Variants in PRKG1 observed in about 807,000 individuals in gnomAD.
PRKG1 encodes the protein cGMP-dependent protein kinase 1.
A neutral mutation model predicts 88.1 loss-of-function variants in PRKG1; 35 were observed. The observed-to-expected ratio is 0.40, with a 90% CI of 0.30 to 0.53. The LOEUF (loss-of-function observed/expected upper bound fraction) is 0.53. PRKG1 is among the 20% of genes least tolerant of loss of function. PRKG1 has a pLI of 0.59. For missense variants in PRKG1, 540 were observed against 839.8 expected (o/e 0.64, Z 4.41); for synonymous variants, 303 against 292.5 (o/e 1.04, Z -0.37).
intron 1 of PRKG1, among the ~76,000 whole-genome samples, chr10:51,042,050 G>C (rs1468911148): frequency 1.3e-5 from 2 of 152,110 alleles, no homozygotes; most frequent in Non-Finnish European, 2.9e-5. Flanking sequence ...AGGAGGTAGA[G>C]GTTTTCTTCT....
intron 10 of PRKG1, among the ~76,000 whole-genome samples, chr10:52,269,075 AAT>A (rs1003223369): frequency 4.6e-5 from 7 of 152,002 alleles, no homozygotes; most frequent in African/African-American, 1.7e-4. Context: ...AAAAAAAAAA[AAT>A]CTGTGTATCT....
At position 52,047,871 on chromosome 10, in the gene PRKG1, T is replaced by A. The variant is rs1301231423; in HGVS notation, c.763-6613T>A. On this transcript the variant is annotated intron_variant, in intron 5 of 17. Transcript: ENST00000373980. ...TATAGGACTCTTCTTCTGAGATATA[T>A]CTTCTGAAAGAATAAGGTACAAACC... Among the ~76,000 whole-genome samples, 3 of 152,256 alleles carry A rather than the reference T, an allele frequency of 2.0e-5. No homozygotes were observed. In the East Asian group the frequency reaches 5.8e-4, roughly 29 times the overall value.
intron 3 of PRKG1, among the ~76,000 whole-genome samples, chr10:51,726,469 C>T (rs574469321): frequency 6.6e-6 from 1 of 152,152 alleles, no homozygotes; most frequent in Non-Finnish European, 1.5e-5. Context: ...ATTTCTTAAA[C>T]TCTCAGCTAT....
At chr10:52,147,551 T>G (rs2132660902) in intron 8 of PRKG1, among the ~76,000 whole-genome samples, 1 of 152,314 alleles carries the variant, frequency 6.6e-6, no homozygotes, top group Admixed American at 6.5e-5. Context: ...GCTCTGCCAA[T>G]TATACCAACT....
chr10:51,474,967 A>G (rs1028433137), intron 3 of PRKG1, among the ~76,000 whole-genome samples: 1 of 152,004 alleles, frequency 6.6e-6, no homozygotes, highest in African/African-American at 2.4e-5. Context: ...CATCCCATGC[A>G]TTATGTAATG....
chr10:51,503,069 C>A (rs1201742839), intron 3 of PRKG1, among the ~76,000 whole-genome samples: 1 of 152,074 alleles, frequency 6.6e-6, no homozygotes, highest in African/African-American at 2.4e-5. Flanking sequence ...AACAAATCAT[C>A]ATGTAGGTCA....
At chr10:52,242,914 GGAGAAA>G (rs67858446) in intron 9 of PRKG1, among the ~76,000 whole-genome samples, 69,819 of 150,410 alleles carry the variant, frequency 0.46, 18,394 homozygotes, top group Non-Finnish European at 0.61. Context: ...AGAAGGAGAA[GGAGAAA>G]GAGAAGAAGA....
At chr10:51,628,488 G>A (rs184783516) in intron 3 of PRKG1, among the ~76,000 whole-genome samples, 133 of 152,134 alleles carry the variant, frequency 8.7e-4, no homozygotes, top group African/African-American at 2.9e-3. Context: ...TGGTAAATTA[G>A]TACACGTGTT....
intron 3 of PRKG1, among the ~76,000 whole-genome samples, chr10:51,649,818 C>T (rs1589160517): frequency 1.3e-5 from 2 of 152,200 alleles, no homozygotes; most frequent in African/African-American, 4.8e-5. Flanking sequence ...ATGCTCACCT[C>T]ATGTAACTGA....
intron 14 of PRKG1, among the ~76,000 whole-genome samples, chr10:52,283,973 C>T (rs972710586): frequency 6.6e-6 from 1 of 151,886 alleles, no homozygotes; most frequent in African/African-American, 2.4e-5. Context: ...AATGTTTAGA[C>T]ATTTCTCTAC....
At chr10:51,486,706 G>A (rs1234862175) in intron 3 of PRKG1, among the ~76,000 whole-genome samples, 1 of 152,084 alleles carries the variant, frequency 6.6e-6, no homozygotes, top group Non-Finnish European at 1.5e-5. Context: ...CGACTGCTGA[G>A]TAAGAAAATA....
At chr10:52,038,618 G>A (rs1456649222) in intron 5 of PRKG1, among the ~76,000 whole-genome samples, 2 of 152,048 alleles carry the variant, frequency 1.3e-5, no homozygotes, top group East Asian at 3.9e-4. Flanking sequence ...GTAGAGACAA[G>A]GAGAGAAGGG....
intron 3 of PRKG1, among the ~76,000 whole-genome samples, chr10:51,738,630 A>T (rs1045161159): frequency 6.6e-6 from 1 of 152,118 alleles, no homozygotes; most frequent in Non-Finnish European, 1.5e-5. Flanking sequence ...ATTAGTCTAT[A>T]TTCTGGTGAG....
At chr10:51,505,726 C>A (rs1454915699) in intron 3 of PRKG1, among the ~76,000 whole-genome samples, 1 of 152,090 alleles carries the variant, frequency 6.6e-6, no homozygotes, top group Non-Finnish European at 1.5e-5. Flanking sequence ...AGGAATTTAT[C>A]CATTTCTTCT....
At chr10:51,283,851 C>T (rs1840365266) in intron 2 of PRKG1, among the ~76,000 whole-genome samples, 2 of 152,186 alleles carry the variant, frequency 1.3e-5, no homozygotes, top group African/African-American at 4.8e-5. Flanking sequence ...GAGACCCCAA[C>T]TCCAGGCTAA....
intron 5 of PRKG1, among the ~76,000 whole-genome samples, chr10:51,970,831 G>GATATATATATATATATATATATATGTGAT (rs59493582): frequency 7.3e-6 from 1 of 136,612 alleles, no homozygotes; most frequent in South Asian, 2.3e-4. Context: ...ATATATATGT[G>GATATATATATATATATATATATATGTGAT]ATATATATAT....
chr10:51,575,083 G>A (rs914716286), intron 3 of PRKG1, among the ~76,000 whole-genome samples: 3 of 151,874 alleles, frequency 2.0e-5, no homozygotes, highest in Admixed American at 2.0e-4. Flanking sequence ...TGCCATTCAC[G>A]GCTACAAGTG....
intron 2 of PRKG1, among the ~76,000 whole-genome samples, chr10:51,395,005 G>C (rs1018896785): frequency 6.6e-6 from 1 of 151,996 alleles, no homozygotes; most frequent in African/African-American, 2.4e-5. Context: ...GTCAATATTA[G>C]TATGACACAT....
At position 51,814,944 on chromosome 10, in the gene PRKG1, TCTTCCA is replaced by T. The variant is rs553829743; in HGVS notation, c.698+10258_698+10263del. Among the ~76,000 whole-genome samples, 10 of 152,286 alleles carry T rather than the reference TCTTCCA, an allele frequency of 6.6e-5. No homozygotes were observed. The South Asian group carries it at 2.1e-3, about 32-fold the overall frequency. On this transcript the variant is annotated intron_variant, in intron 4 of 17. Transcript: ENST00000373980. ...ATAGTTGATTATATTTGTGGTAAAA[TCTTCCA>T]CTTGAGTCAGTAATGAATCTCACAC...
Sources: gnomAD v4.1 joint callset for allele counts (sites outside exome capture counted in the v4.1 genomes callset) on GRCh38, gnomAD v4.1.1 for gene constraint, MANE v1.5 for transcripts, NCBI Gene and HGNC (gene_info 2026-07-23, HGNC 2026-07-21) for gene names.